NRP1: variants seen among roughly 807,000 people sequenced by gnomAD.
NRP1 encodes the protein neuropilin 1.
A neutral mutation model predicts 106.7 loss-of-function variants in NRP1; 35 were observed. That is an observed-to-expected ratio of 0.33 (90% CI 0.25 to 0.43). The LOEUF (loss-of-function observed/expected upper bound fraction) is 0.43. NRP1 is among the 20% of genes least tolerant of loss of function. The pLI is 1.00. For missense variants in NRP1, 1,024 were observed against 1,170.4 expected (o/e 0.87, Z 1.83); for synonymous variants, 437 against 417.9 (o/e 1.05, Z -0.56).
chr10:33,181,185 TTA>T (rs1835664505), intron 16 of NRP1, among the ~76,000 whole-genome samples: 5 of 152,192 alleles, frequency 3.3e-5, no homozygotes, highest in Admixed American at 3.3e-4. Flanking sequence ...GATGAAAATG[TTA>T]ACGCACAATA....
At chr10:33,293,485 G>C (rs1185835725) in intron 2 of NRP1, among the ~76,000 whole-genome samples, 1 of 152,164 alleles carries the variant, frequency 6.6e-6, no homozygotes, top group African/African-American at 2.4e-5. Flanking sequence ...GAATTACAGA[G>C]GAGAATTTGG....
intron 11 of NRP1, chr10:33,201,226 CATT>C (rs1837279769): frequency 6.6e-6 from 1 of 152,186 alleles, no homozygotes; most frequent in Non-Finnish European, 1.5e-5. Context: ...CGCCCTATTT[CATT>C]CAAAGCCTTC....
intron 3 of NRP1, among the ~76,000 whole-genome samples, chr10:33,270,167 A>G (rs1278644424): frequency 6.6e-6 from 1 of 151,690 alleles, no homozygotes; most frequent in Non-Finnish European, 1.5e-5. Context: ...TTTTTTTTTC[A>G]ATTTTAAATA....
At chr10:33,183,371 A>G (rs1042781195) in intron 15 of NRP1, among the ~76,000 whole-genome samples, 5 of 151,928 alleles carry the variant, frequency 3.3e-5, no homozygotes, top group African/African-American at 7.2e-5. Context: ...GGGAAGAGAC[A>G]TGGTTTTGGC....
At position 33,226,198 on chromosome 10, in the gene NRP1, T is replaced by TA; in HGVS notation, c.1072dup (p.Tyr358LeufsTer6). 6.2e-7 allele frequency: 1 copy of TA among 1,614,214 alleles called. No homozygotes were observed. Among genetic ancestry groups the TA allele is most frequent in the Non-Finnish European group, 8.5e-7 (1 of 1,180,028 alleles). On this transcript the variant is annotated frameshift_variant, in exon 7 of 17. Transcript: ENST00000374867. LOFTEE classifies it high-confidence loss of function. Reference sequence around the variant, plus strand: ...CCCGTTGGAGCTAACGTCGATCTTGTAAGTCTTGACATAATATTTCTTCTT... The same window carrying TA: ...CCCGTTGGAGCTAACGTCGATCTTGTAAAGTCTTGACATAATATTTCTTCTT...
intron 7 of NRP1, among the ~76,000 whole-genome samples, chr10:33,224,663 C>A (rs1325732770): frequency 6.6e-6 from 1 of 151,896 alleles, no homozygotes; most frequent in Non-Finnish European, 1.5e-5. Context: ...ATCCCATCAC[C>A]TTGGTATTAA....
At chr10:33,269,886 T>C (rs756466371) in intron 3 of NRP1, among the ~76,000 whole-genome samples, 4 of 152,224 alleles carry the variant, frequency 2.6e-5, no homozygotes, top group Non-Finnish European at 5.9e-5. Flanking sequence ...ACCGTCTGGT[T>C]GCAGAAAAAC....
At chr10:33,225,364 G>C (rs1839576408) in intron 7 of NRP1, among the ~76,000 whole-genome samples, 1 of 152,182 alleles carries the variant, frequency 6.6e-6, no homozygotes, top group East Asian at 1.9e-4. Flanking sequence ...AAGCTACCTG[G>C]ATCTTTGCTC....
intron 2 of NRP1, among the ~76,000 whole-genome samples, chr10:33,322,050 C>A (rs939327099): frequency 2.0e-5 from 3 of 152,104 alleles, no homozygotes; most frequent in Admixed American, 1.3e-4. Flanking sequence ...ATGCAAGGAT[C>A]GAAACTGTAT....
intron 2 of NRP1, among the ~76,000 whole-genome samples, chr10:33,330,491 G>C (rs1242788129): frequency 1.3e-5 from 2 of 152,020 alleles, no homozygotes; most frequent in African/African-American, 4.8e-5. Context: ...AGGAGTATAA[G>C]AGCTTACACA....
At chr10:33,221,579 T>C in intron 8 of NRP1, 140 bp downstream of exon 8, 1 of 1,046,640 alleles carries the variant, frequency 9.6e-7, no homozygotes, top group Non-Finnish European at 1.4e-6. Flanking sequence ...TTTGTCTAAA[T>C]CCAAAGTAGA....
Position 33,207,591 on chromosome 10 carries a change from C to G in NRP1, c.1740G>C (p.Leu580=). 6.2e-7 allele frequency: 1 copy of G among 1,614,224 alleles called. No individual in the cohort carries two copies. The highest frequency in any genetic ancestry group is 8.5e-7 in the Non-Finnish European group (1 of 1,180,034). Reference sequence around the variant, plus strand: ...AATTACCTTCCACTTCACAGCCCAGCAGCTCCATTCTGAGCCCCAGTCCGC... The same window carrying G: ...AATTACCTTCCACTTCACAGCCCAGGAGCTCCATTCTGAGCCCCAGTCCGC... ...THGGLGLRME[L]LGCEVEAPTA... is the part of the protein sequence containing the mutation. Residue 580 remains leucine, a synonymous_variant, in exon 10 of 17, where the codon CTG becomes CTC. Transcript: ENST00000374867.
intron 2 of NRP1, among the ~76,000 whole-genome samples, chr10:33,305,755 A>AT (rs1418259244): frequency 6.6e-6 from 1 of 152,018 alleles, no homozygotes. Flanking sequence ...GTAAAAAAAA[A>AT]AAAAAATCTG....
At chr10:33,219,363 T>G (rs1839041736) in intron 8 of NRP1, among the ~76,000 whole-genome samples, 1 of 152,210 alleles carries the variant, frequency 6.6e-6, no homozygotes, top group African/African-American at 2.4e-5. Flanking sequence ...CTGCCTGCCT[T>G]CTGTCCATGT....
At chr10:33,277,544 T>C (rs1843795696) in intron 2 of NRP1, among the ~76,000 whole-genome samples, 1 of 152,230 alleles carries the variant, frequency 6.6e-6, no homozygotes, top group Non-Finnish European at 1.5e-5. Context: ...TCCGAGGAGC[T>C]ATGGGGCCTG....
intron 13 of NRP1, among the ~76,000 whole-genome samples, chr10:33,191,450 C>G (rs76528694): frequency 1.3e-5 from 2 of 152,094 alleles, no homozygotes; most frequent in African/African-American, 4.8e-5. Context: ...CTTCAAGGGT[C>G]GGGAGAGAGC....
At chr10:33,277,139 T>C (rs1843761483) in intron 2 of NRP1, among the ~76,000 whole-genome samples, 1 of 150,652 alleles carries the variant, frequency 6.6e-6, no homozygotes, top group African/African-American at 2.4e-5. Context: ...AAAAAATTGC[T>C]CAATAAAAGT....
chr10:33,320,060 C>T (rs1197824305), intron 2 of NRP1, among the ~76,000 whole-genome samples: 1 of 151,760 alleles, frequency 6.6e-6, no homozygotes, highest in East Asian at 2.0e-4. Flanking sequence ...CGCCTGTAAT[C>T]CCAGCACTTT....
rs143858258 is a variant in NRP1 at position 33,185,710 on chromosome 10, G to A, written c.2349C>T (p.Gly783=). The A allele has an allele frequency of 1.1e-5, 17 of 1,613,438 alleles. No homozygotes were observed. Among genetic ancestry groups the A allele is most frequent in the Admixed American group, 5.0e-5 (3 of 59,972 alleles). Residue 783 remains glycine, a synonymous_variant, in exon 15 of 17, where the codon GGC becomes GGT. Transcript: ENST00000374867. ...SLKLYQVIFE[G]EIGKGNLGGI... ...CACCAAGGTTTCCTTTTCCGATTTC[G>A]CCCTCGAAAATCACCTAACAAAATA... is the stretch of plus-strand genomic sequence containing the variant.
Sources: gnomAD v4.1 joint callset for allele counts (sites outside exome capture counted in the v4.1 genomes callset) on GRCh38, gnomAD v4.1.1 for gene constraint, MANE v1.5 for transcripts, NCBI Gene and HGNC (gene_info 2026-07-23, HGNC 2026-07-21) for gene names.